The following WNK2 variants were observed in gnomAD, a reference collection of about 807,000 sequenced individuals.
The protein encoded by WNK2 is serine/threonine-protein kinase WNK2.
WNK2 carries 67 observed loss-of-function variants against 192.1 expected under a neutral mutation model. The observed-to-expected ratio is 0.35, with a 90% confidence interval of 0.29 to 0.43. The LOEUF (loss-of-function observed/expected upper bound fraction) is 0.43, where lower values mean the gene tolerates loss of function less well. Ranked by LOEUF, WNK2 falls within the 20% of genes least tolerant of loss-of-function variation. The pLI is 1.00. For synonymous variants in WNK2, 1,439 were observed against 1,393.9 expected, an observed-to-expected ratio of 1.03 and a Z score of -0.72; for missense variants, 2,698 against 3,089.7, an observed-to-expected ratio of 0.87 and a Z score of 3.01.
intron 18 of WNK2, 123 bp downstream of exon 18, chr9:93,268,188 C>T: frequency 7.3e-7 from 1 of 1,376,840 alleles, no homozygotes; most frequent in Non-Finnish European, 9.9e-7. Flanking sequence ...GACCAGGGGC[C>T]CCAGTCTGGG....
Position 93,246,184 on chromosome 9 carries a change from A to T in WNK2, c.1543-1359A>T, listed in dbSNP as rs560289411. ...TTCATTTTGATGCTCAAAATGCCCC[A>T]GATTTGCCAGCGGGAGGCCCTCAGC... On this transcript the variant is annotated intron_variant, in intron 7 of 29. Transcript: ENST00000427277. Among the ~76,000 whole-genome samples, 358 of 152,262 alleles carry T rather than the reference A, an allele frequency of 2.4e-3. 2 individuals carry two copies. The highest frequency in any genetic ancestry group is 7.8e-3 in the African/African-American group (326 of 41,548).
intron 19 of WNK2, among the ~76,000 whole-genome samples, chr9:93,278,942 A>G (rs535651535): frequency 1.3e-5 from 2 of 152,364 alleles, no homozygotes; most frequent in African/African-American, 4.8e-5. Flanking sequence ...ACAATTATAA[A>G]CATCTTCAGA....
chr9:93,276,077 C>G (rs1846821950), intron 19 of WNK2, among the ~76,000 whole-genome samples: 1 of 152,126 alleles, frequency 6.6e-6, no homozygotes, highest in South Asian at 2.1e-4. Context: ...AAGCAGATTA[C>G]TTTTTGTAGA....
chr9:93,257,000 C>T lies in WNK2; in HGVS notation c.2243C>T (p.Pro748Leu), dbSNP rs751484889. Residue 748 changes from proline (P) to leucine (L), a missense_variant, in exon 11 of 30, where the codon CCC becomes CTC. Physicochemically the swap from Pro to Leu is moderately conservative, Grantham distance 98 (BLOSUM62 -3). This residue lies in a region of WNK2 where 893 missense variants were observed against 909.0 expected (regional missense o/e 0.98). Transcript: ENST00000427277. ...CTGCCGCAGGTCCTGGCCCCACAGC[C>T]CGTGGTCCCCCTCCAGCCGGTTCCC... ...TPLPQVLAPQ[P>L]VVPLQPVPPH... The T allele has an allele frequency of 6.3e-7, 1 of 1,599,156 alleles. No individual in the cohort carries two copies. Among genetic ancestry groups the T allele is most frequent in the Non-Finnish European group, 8.5e-7 (1 of 1,176,478 alleles).
In WNK2 at chr9:93,292,801, C is replaced by G; in HGVS notation, c.5336C>G (p.Pro1779Arg). 1 of 1,542,886 alleles carries G rather than the reference C, an allele frequency of 6.5e-7. No homozygotes were observed. Among genetic ancestry groups the G allele is most frequent in the Non-Finnish European group, 8.7e-7 (1 of 1,144,262 alleles). ...CCCGACGTCTACCTGGACGAGGCCC[C>G]CTCCAGCCCCGACGTGAAGCTGGCA... ...APPDVYLDEA[P>R]SSPDVKLAVR... The change falls in exon 23 of 30, where the codon CCC becomes CGC. Residue 1779 changes from proline (P) to arginine (R), a missense_variant. Transcript: ENST00000427277.
Position 93,288,993 on chromosome 9 carries a change from T to C in WNK2, c.4239T>C (p.Thr1413=), listed in dbSNP as rs1469578961. ...CCATGCCAGAGCCAGCGTCAGGAAC[T>C]GCCAGCCAGGCAGGGGGTCCAGGGA... ...TSTMPEPASG[T]ASQAGGPGTP... is the part of the protein sequence containing the mutation. Residue 1413 remains threonine (T), a synonymous_variant, in exon 20 of 30, where the codon ACT becomes ACC. Transcript: ENST00000427277. The C allele has an allele frequency of 6.2e-7, 1 of 1,601,830 alleles. No homozygotes were observed. The highest frequency in any genetic ancestry group is 1.3e-5 in the African/African-American group (1 of 74,650).
chr9:93,273,775 T>C (rs1016782048), intron 19 of WNK2, among the ~76,000 whole-genome samples: 2 of 152,182 alleles, frequency 1.3e-5, no homozygotes, highest in Admixed American at 6.5e-5. Context: ...CTTAACAAAT[T>C]TAAAAGTATT....
chr9:93,229,481 G>C lies in WNK2; in HGVS notation c.682-215G>C, dbSNP rs193263908. Among the ~76,000 whole-genome samples, 4 of 152,272 alleles carry C rather than the reference G, an allele frequency of 2.6e-5. No individual in the cohort carries two copies. The East Asian group carries it at 7.7e-4, about 29-fold the overall frequency. On this transcript the variant is annotated intron_variant, in intron 2 of 29. Transcript: ENST00000427277. The surrounding 1 kb of genome is among the most constrained non-coding windows in gnomAD (Gnocchi z 4.9). Reference sequence around the variant, plus strand: ...CGGCTTCCTAGGATGTCTTTTTGCTGAGGTCCCTTTTTGGGGGCTGTGTCC... The same window carrying C: ...CGGCTTCCTAGGATGTCTTTTTGCTCAGGTCCCTTTTTGGGGGCTGTGTCC...
In WNK2 at chr9:93,262,095, A is replaced by G; in HGVS notation, c.3348A>G (p.Glu1116=). ...SPCPTVQLTV[E]PVQEEQASQD... ...GCCCAACTGTCCAGCTGACGGTGGA[A>G]CCAGTCCAAGAGGTGTGTGCCCCTC... Residue 1116 remains glutamate, a synonymous_variant, in exon 13 of 30, where the codon GAA becomes GAG. Transcript: ENST00000427277. 1 of 1,599,022 alleles carries G rather than the reference A, an allele frequency of 6.3e-7. No homozygotes were observed. Among genetic ancestry groups the G allele is most frequent in the Non-Finnish European group, 8.5e-7 (1 of 1,170,686 alleles).
chr9:93,288,837 T>A lies in WNK2; in HGVS notation c.4083T>A (p.Phe1361Leu), dbSNP rs1160088578. The A allele has an allele frequency of 6.2e-7, 1 of 1,612,424 alleles. No individual in the cohort carries two copies. The highest frequency in any genetic ancestry group is 8.5e-7 in the Non-Finnish European group (1 of 1,179,698). ...DQLSSKEQPS[F>L]LASQQLLSQA... ...TGTCCTCGAAGGAACAACCCAGCTT[T>A]CTAGCCAGTCAGCAGCTCCTGAGCC... The change falls in exon 20 of 30, where the codon TTT becomes TTA. Residue 1361 changes from phenylalanine (F) to leucine (L), a missense_variant. Phe to Leu is a conservative substitution (Grantham distance 22). Transcript: ENST00000427277.
intron 2 of WNK2, among the ~76,000 whole-genome samples, chr9:93,192,401 G>C (rs941434648): frequency 6.6e-6 from 1 of 152,206 alleles, no homozygotes; most frequent in Non-Finnish European, 1.5e-5. Context: ...TGTCCTCTGA[G>C]GGGGAGGGGG....
chr9:93,292,878 G>A lies in WNK2; in HGVS notation c.5413G>A (p.Val1805Met), dbSNP rs1032778551. ...CATCGAGGTCGGCGTGGGCGAGCCCGTGTCCAGCGACTCTGGGGACGAGGG... is the reference window on the plus strand; with the variant it reads ...CATCGAGGTCGGCGTGGGCGAGCCCATGTCCAGCGACTCTGGGGACGAGGG... ...SSIEVGVGEPVSSDSGDEGPR... is the reference protein window; with the variant it reads ...SSIEVGVGEPMSSDSGDEGPR... Residue 1805 changes from valine (V) to methionine (M), a missense_variant, in exon 23 of 30, where the codon GTG (valine) becomes ATG (methionine). By Grantham distance (21) the Val-to-Met change is conservative. Around this residue, in one of 7 missense-constraint regions of WNK2, gnomAD observed 1,098 missense variants for 1,101.0 expected, o/e 1.00. Coordinates refer to ENST00000427277, the MANE Select transcript of WNK2 (RefSeq NM_006648.4). 97 of 1,508,992 alleles carry A rather than the reference G, an allele frequency of 6.4e-5. No individual in the cohort carries two copies. Among genetic ancestry groups the A allele is most frequent in the Non-Finnish European group, 8.2e-5 (93 of 1,127,952 alleles). The allele number at this position is 1,508,992 out of a possible 1,614,324, so 93.5% of individuals were successfully genotyped here.
chr9:93,259,431 G>A lies in WNK2; in HGVS notation c.2883G>A (p.Thr961=), dbSNP rs762003068. 1.4e-5 allele frequency: 18 copies of A among 1,315,694 alleles called. No homozygotes were observed. The African/African-American group carries it at 1.6e-4, about 11-fold the overall frequency. The allele number at this position is 1,315,694 out of a possible 1,614,324, so 81.5% of individuals were successfully genotyped here. The change falls in exon 12 of 30, where the codon ACG becomes ACA. Residue 961 remains threonine, a synonymous_variant. Transcript: ENST00000427277. This position sits in a 1 kb window ranked among gnomAD's most constrained non-coding sequence, Gnocchi z 4.8. ...AACCCGTGCTGCCCCCGCAACCCAC[G>A]CTGCCCCCTCAACCTGTGTTGCCCC... The part of the protein sequence containing the change: ...PPQPVLPPQP[T]LPPQPVLPPQ...
rs1031833099 is a variant in WNK2 at position 93,239,093 on chromosome 9, G to A, written c.1323-664G>A. Among the ~76,000 whole-genome samples the A allele has an allele frequency of 6.6e-6, 1 of 152,230 alleles. No homozygotes were observed. Among genetic ancestry groups the A allele is most frequent in the African/African-American group, 2.4e-5 (1 of 41,466 alleles). On this transcript the variant is annotated intron_variant, in intron 6 of 29. Coordinates refer to ENST00000427277, the MANE Select transcript of WNK2 (RefSeq NM_006648.4). The surrounding 1 kb of genome is among the most constrained non-coding windows in gnomAD (Gnocchi z 4.2). ...GGGTTATAGGTTAGTGGTTAGGGAG[G>A]CTTCTTTGGGTGGCCAAGCCCTGCA... is the stretch of plus-strand genomic sequence containing the variant.
chr9:93,192,367 T>C (rs1830484077), intron 2 of WNK2, among the ~76,000 whole-genome samples: 1 of 151,534 alleles, frequency 6.6e-6, no homozygotes. Context: ...GGCAGCAGCT[T>C]TGGGCCTGGC....
At chr9:93,308,688 C>G in intron 28 of WNK2, 104 bp downstream of exon 28, 1 of 1,382,228 alleles carries the variant, frequency 7.2e-7, no homozygotes, top group Non-Finnish European at 9.6e-7. Context: ...TTAAGCTCTT[C>G]ATTTTCATGA....
intron 2 of WNK2, among the ~76,000 whole-genome samples, chr9:93,208,735 GTGTGTGTT>G (rs1833900955): frequency 3.0e-3 from 1 of 328 alleles, no homozygotes; most frequent in Admixed American, 0.045. Flanking sequence ...TGCGTGTTCT[GTGTGTGTT>G]CATGTGTGTG....
At chr9:93,289,945 A>G in intron 20 of WNK2, 33 bp from the exon 21 acceptor site, 1 of 1,546,000 alleles carries the variant, frequency 6.5e-7, no homozygotes, top group Non-Finnish European at 8.7e-7. Context: ...TGTGAGTCTC[A>G]CGGCTCTTCT....
intron 24 of WNK2, among the ~76,000 whole-genome samples, chr9:93,298,740 C>T (rs1175201993): frequency 6.6e-6 from 1 of 152,190 alleles, no homozygotes; most frequent in Non-Finnish European, 1.5e-5. Context: ...ATGAATTATA[C>T]CCATTACACG....
Sources: allele counts gnomAD v4.1 joint callset (sites outside exome capture counted in the v4.1 genomes callset), GRCh38; gene constraint gnomAD v4.1.1; regional missense constraint gnomAD v4.1.1; non-coding constraint Gnocchi (gnomAD v3.1); transcripts MANE v1.5; gene names NCBI Gene and HGNC (gene_info 2026-07-23, HGNC 2026-07-21).